Variants in TTLL5 observed in about 807,000 individuals in gnomAD.
TTLL5 encodes tubulin polyglutamylase TTLL5.
Under a neutral mutation model 168.4 loss-of-function variants are expected in TTLL5, and 132 were observed. The observed-to-expected ratio is 0.78, with a 90% CI of 0.68 to 0.91. The LOEUF (loss-of-function observed/expected upper bound fraction) is 0.91. TTLL5 is among the 40% of genes least tolerant of loss of function. The pLI, the probability that TTLL5 is intolerant of heterozygous loss-of-function variation, is 0.00. For synonymous variants in TTLL5, 546 were observed against 558.6 expected (o/e 0.98, Z 0.32); for missense variants, 1,545 against 1,581.5 (o/e 0.98, Z 0.39).
At chr14:75,702,664 G>GT (rs1294745472) in intron 7 of TTLL5, among the ~76,000 whole-genome samples, 2 of 91,946 alleles carry the variant, frequency 2.2e-5, no homozygotes, top group Non-Finnish European at 5.8e-5. Flanking sequence ...GGGGTGACAT[G>GT]TCTTAGAGAA....
In TTLL5 at chr14:75,810,764, T is replaced by C. The variant is rs1893946437; in HGVS notation, c.3172-9243T>C. ...TGAACCTGAGATTAGTTTGAGTCCA[T>C]TGCAAATGGTTTCTTAGGCCTTTGC... On this transcript the variant is annotated intron_variant, in intron 27 of 31. Coordinates refer to ENST00000298832, the MANE Select transcript of TTLL5 (RefSeq NM_015072.5). 2.0e-5 allele frequency among the ~76,000 whole-genome samples: 3 copies of C among 152,226 alleles called. No individual in the cohort carries two copies. In the South Asian group the frequency reaches 6.2e-4, roughly 32 times the overall value.
intron 30 of TTLL5, among the ~76,000 whole-genome samples, chr14:75,898,691 A>G (rs2032784998): frequency 1.3e-5 from 2 of 152,206 alleles, no homozygotes; most frequent in South Asian, 4.1e-4. Context: ...ATCCCATAAT[A>G]CAAGCCTACT....
At chr14:75,711,214 CT>C (rs1887054039) in intron 9 of TTLL5, 1 of 152,202 alleles carries the variant, frequency 6.6e-6, no homozygotes, top group South Asian at 2.1e-4. Flanking sequence ...AATTGTCCCC[CT>C]GGTATTTGGG....
chr14:75,881,418 C>T (rs990219535), intron 29 of TTLL5, among the ~76,000 whole-genome samples: 2 of 152,200 alleles, frequency 1.3e-5, no homozygotes, highest in African/African-American at 4.8e-5. Context: ...CCCCTGGATC[C>T]CCCTCTCATA....
chr14:75,882,959 C>A, intron 30 of TTLL5, 57 bp downstream of exon 30: 1 of 1,551,966 alleles, frequency 6.4e-7, no homozygotes, highest in Non-Finnish European at 8.8e-7. Context: ...GCTAATAGTA[C>A]TCTTTATTTA....
At chr14:75,821,071 A>C (rs1894805410) in intron 28 of TTLL5, among the ~76,000 whole-genome samples, 1 of 152,204 alleles carries the variant, frequency 6.6e-6, no homozygotes, top group African/African-American at 2.4e-5. Flanking sequence ...CAGAGGGGGT[A>C]CTGAAGACTT....
chr14:75,695,950 G>C (rs11625260), intron 6 of TTLL5, among the ~76,000 whole-genome samples: 72,870 of 144,810 alleles, frequency 0.5, 22,244 homozygotes, highest in Non-Finnish European at 0.66. Flanking sequence ...CACCCAGGCT[G>C]TGGTAATCAT....
chr14:75,775,450 C>T (rs1170667225), intron 21 of TTLL5, 34 bp from the exon 22 acceptor site: 4 of 1,585,800 alleles, frequency 2.5e-6, no homozygotes, highest in African/African-American at 1.4e-5. Context: ...ACCATCCCTC[C>T]TTTTTTTTTC....
chr14:75,661,285 A>C lies in TTLL5; in HGVS notation c.-198A>C, dbSNP rs983142942. The C allele has an allele frequency of 6.6e-6, 1 of 152,232 alleles. No homozygotes were observed. The highest frequency in any genetic ancestry group is 2.1e-4 in the South Asian group (1 of 4,832). The allele number at this position is 152,232 out of a possible 1,614,324, so 9.4% of individuals were successfully genotyped here. On this transcript the variant is annotated 5_prime_UTR_variant, in exon 1 of 32. Coordinates refer to ENST00000298832, the MANE Select transcript of TTLL5 (RefSeq NM_015072.5). The stretch of plus-strand genomic sequence containing the variant: ...TGGTTGTTGTAGTAACCGGGGAAGC[A>C]GCCGTCGGCGGCTGCCCTGAGCCTT...
intron 6 of TTLL5, among the ~76,000 whole-genome samples, chr14:75,696,512 A>G (rs749502621): frequency 2.7e-4 from 41 of 152,356 alleles, no homozygotes; most frequent in Non-Finnish European, 4.0e-4. Context: ...AAAAATATAT[A>G]AACTGAATAC....
At chr14:75,895,794 A>G (rs2032632170) in intron 30 of TTLL5, among the ~76,000 whole-genome samples, 5 of 152,228 alleles carry the variant, frequency 3.3e-5, no homozygotes, top group Admixed American at 3.3e-4. Context: ...TAATTAAAAT[A>G]TAGAAAGGAA....
intron 5 of TTLL5, among the ~76,000 whole-genome samples, chr14:75,687,304 C>T (rs956320493): frequency 8.5e-5 from 13 of 152,100 alleles, no homozygotes; most frequent in African/African-American, 2.2e-4. Context: ...GGGACAGTTT[C>T]GCTCTGTCAC....
At chr14:75,929,447 CTT>C (rs370380415) in intron 31 of TTLL5, among the ~76,000 whole-genome samples, 4 of 120,838 alleles carry the variant, frequency 3.3e-5, no homozygotes, top group Non-Finnish European at 1.6e-5. Context: ...ATAAAGATAC[CTT>C]TTTTTTTTTT....
At chr14:75,834,831 T>C (rs546231906) in intron 28 of TTLL5, among the ~76,000 whole-genome samples, 2 of 152,266 alleles carry the variant, frequency 1.3e-5, no homozygotes, top group East Asian at 3.9e-4. Context: ...TTAAGGAAGC[T>C]GAGGCAGGAG....
chr14:75,732,451 A>C, intron 13 of TTLL5, 32 bp downstream of exon 13: 15 of 1,592,474 alleles, frequency 9.4e-6, no homozygotes, highest in Non-Finnish European at 1.3e-5. Context: ...AAAAAGGACA[A>C]ATCTTCAAGT....
At chr14:75,671,936 G>T (rs1883785015) in intron 3 of TTLL5, among the ~76,000 whole-genome samples, 1 of 152,148 alleles carries the variant, frequency 6.6e-6, no homozygotes, top group Admixed American at 6.5e-5. Context: ...GGGTGTCTTT[G>T]TCTTGTTTTT....
intron 28 of TTLL5, chr14:75,838,184 G>T (rs1895978230): frequency 6.6e-6 from 1 of 152,140 alleles, no homozygotes; most frequent in Non-Finnish European, 1.5e-5. Flanking sequence ...GTCTTTACTA[G>T]ATGGCCAGTG....
intron 29 of TTLL5, among the ~76,000 whole-genome samples, chr14:75,874,084 A>C (rs919452049): frequency 3.6e-4 from 54 of 151,488 alleles, no homozygotes; most frequent in South Asian, 6.3e-4. Flanking sequence ...TTCTTTATTT[A>C]TTTATTTATT....
intron 28 of TTLL5, among the ~76,000 whole-genome samples, chr14:75,835,779 A>G (rs560962664): frequency 6.6e-6 from 1 of 152,382 alleles, no homozygotes; most frequent in Non-Finnish European, 1.5e-5. Context: ...TAAATGGCAA[A>G]CAAGTATATG....
Sources: gnomAD v4.1 joint callset for allele counts (sites outside exome capture counted in the v4.1 genomes callset) on GRCh38, gnomAD v4.1.1 for gene constraint, MANE v1.5 for transcripts, NCBI Gene and HGNC (gene_info 2026-07-23, HGNC 2026-07-21) for gene names.